The following NAV2 variants were observed in gnomAD, a reference collection of about 807,000 sequenced individuals.
The protein encoded by NAV2 is helicase, APC down-regulated 1.
NAV2 carries 54 observed loss-of-function variants against 223.2 expected under a neutral mutation model. The observed-to-expected ratio is 0.24, with a 90% confidence interval of 0.19 to 0.30. NAV2 has a LOEUF of 0.30. Among genes scored for constraint, NAV2 ranks in the 10% least tolerant of loss-of-function variants. The probability of loss-of-function intolerance (pLI) is 1.00; values close to 1 mark genes in which losing one functional copy is unlikely to be tolerated. For synonymous variants in NAV2, 1,279 were observed against 1,239.3 expected, an observed-to-expected ratio of 1.03 and a Z score of -0.67; for missense variants, 2,806 against 3,147.5, an observed-to-expected ratio of 0.89 and a Z score of 2.60.
At chr11:19,939,951 C>T (rs761772118) in intron 8 of NAV2, among the ~76,000 whole-genome samples, 178 bp downstream of exon 8, 12 of 151,064 alleles carry the variant, frequency 7.9e-5, no homozygotes, top group South Asian at 2.1e-4. Flanking sequence ...GTTTTTCTTC[C>T]CTTTTCTCTC....
At chr11:19,456,488 G>C (rs1366157145) in intron 1 of NAV2, among the ~76,000 whole-genome samples, 3 of 152,206 alleles carry the variant, frequency 2.0e-5, no homozygotes, top group Admixed American at 6.5e-5. Flanking sequence ...CCACAGAGAG[G>C]CTGTGTTCTC....
intron 1 of NAV2, among the ~76,000 whole-genome samples, chr11:19,687,947 C>G (rs1261958433): frequency 6.6e-6 from 1 of 152,092 alleles, no homozygotes; most frequent in Non-Finnish European, 1.5e-5. Flanking sequence ...TCTAGAGAGC[C>G]CCTGTGCCCT....
chr11:19,379,644 G>A (rs1027951409), intron 1 of NAV2, among the ~76,000 whole-genome samples: 6 of 152,266 alleles, frequency 3.9e-5, no homozygotes, highest in African/African-American at 9.6e-5. Flanking sequence ...TCCCTCCTCC[G>A]GCATCTTCCC....
intron 1 of NAV2, among the ~76,000 whole-genome samples, chr11:19,541,632 C>A (rs1012953950): frequency 2.6e-5 from 4 of 152,172 alleles, no homozygotes; most frequent in Non-Finnish European, 4.4e-5. Context: ...ATCTTTTTGA[C>A]CCACTTGAGA....
At chr11:19,524,142 G>A (rs969839051) in intron 1 of NAV2, among the ~76,000 whole-genome samples, 1 of 152,206 alleles carries the variant, frequency 6.6e-6, no homozygotes, top group Admixed American at 6.5e-5. Flanking sequence ...TAGGGACCCT[G>A]TTGTTGTCAT....
intron 1 of NAV2, among the ~76,000 whole-genome samples, chr11:19,445,288 C>A (rs1254985814): frequency 6.6e-6 from 1 of 151,880 alleles, no homozygotes; most frequent in Admixed American, 6.6e-5. Flanking sequence ...TTTTTTTAGT[C>A]CTACTGGCCA....
chr11:19,627,063 G>T (rs1279155985), intron 1 of NAV2, among the ~76,000 whole-genome samples: 1 of 152,184 alleles, frequency 6.6e-6, no homozygotes, highest in Non-Finnish European at 1.5e-5. Flanking sequence ...GGTGAGGCAA[G>T]CTGAGGTGTG....
intron 1 of NAV2, among the ~76,000 whole-genome samples, chr11:19,391,957 T>C (rs1204935763): frequency 6.6e-6 from 1 of 152,172 alleles, no homozygotes; most frequent in Admixed American, 6.5e-5. Context: ...GAGAAAATTA[T>C]ACTTAAATGA....
chr11:19,549,503 T>C (rs142092036), intron 1 of NAV2, among the ~76,000 whole-genome samples: 329 of 152,232 alleles, frequency 2.2e-3, no homozygotes, highest in Non-Finnish European at 4.0e-3. Flanking sequence ...CGGAAGGAGA[T>C]AGTAGATGCC....
chr11:19,701,021 C>T lies in NAV2; in HGVS notation c.76-131463C>T, dbSNP rs369466655. Among the ~76,000 whole-genome samples the T allele has an allele frequency of 1.6e-4, 25 of 152,296 alleles. No individual in the cohort carries two copies. In the South Asian group the frequency reaches 5.2e-3, roughly 32 times the overall value. The stretch of plus-strand genomic sequence containing the variant: ...CCTCACAAGAACTTTGTGAAATAGT[C>T]GTCATCATTCCTATTTTACTGTTGA... On this transcript the variant is annotated intron_variant, in intron 1 of 37. Coordinates refer to the NAV2 transcript ENST00000360655.
intron 6 of NAV2, among the ~76,000 whole-genome samples, chr11:19,904,175 T>C (rs778123746): frequency 6.6e-6 from 1 of 152,220 alleles, no homozygotes; most frequent in African/African-American, 2.4e-5. Context: ...GTGGAATAAA[T>C]GATTCTCTCC....
At chr11:19,397,419 G>GTGTGTGTGTGTGTGTGTGTGCA (rs1554919831) in intron 1 of NAV2, among the ~76,000 whole-genome samples, 1 of 70,514 alleles carries the variant, frequency 1.4e-5, no homozygotes, top group Non-Finnish European at 2.9e-5. Context: ...GTGTGTGTGT[G>GTGTGTGTGTGTGTGTGTGTGCA]CGCGCATGTG....
At chr11:20,082,099 C>T (rs184205356) in intron 25 of NAV2, among the ~76,000 whole-genome samples, 1 of 152,240 alleles carries the variant, frequency 6.6e-6, no homozygotes, top group African/African-American at 2.4e-5. Context: ...AGTGACATGG[C>T]TAATTTGCTG....
intron 1 of NAV2, among the ~76,000 whole-genome samples, chr11:19,417,321 G>A (rs1167570034): frequency 6.6e-6 from 1 of 152,178 alleles, no homozygotes; most frequent in Non-Finnish European, 1.5e-5. Context: ...AGACATTTAT[G>A]TGGCCAAAAA....
rs118077977 is a variant in NAV2, at chr11:19,868,200, C to T, written c.439-725C>T. On this transcript the variant is annotated intron_variant, in intron 3 of 37. Transcript: ENST00000349880. ...AGCAATTTCTTTTACTTATGGTACCCGTTGACATTAATCAAGCCAGAACAT... is the reference window on the plus strand; with the variant it reads ...AGCAATTTCTTTTACTTATGGTACCTGTTGACATTAATCAAGCCAGAACAT... Among the ~76,000 whole-genome samples, 61 of 152,244 alleles carry T rather than the reference C, an allele frequency of 4.0e-4. No individual in the cohort carries two copies. The East Asian group carries it at 9.6e-3, about 24-fold the overall frequency.
At chr11:19,702,893 G>A (rs1359035208) in intron 1 of NAV2, among the ~76,000 whole-genome samples, 1 of 149,924 alleles carries the variant, frequency 6.7e-6, no homozygotes, top group Non-Finnish European at 1.5e-5. Context: ...GAAATCCCAT[G>A]GAAAAGTAAG....
intron 4 of NAV2, 152 bp from the exon 5 acceptor site, chr11:19,879,717 A>C: frequency 5.8e-6 from 5 of 867,558 alleles, no homozygotes; most frequent in Admixed American, 2.1e-5. Flanking sequence ...TCTTTGTGGT[A>C]TAGGCCTGAT....
chr11:19,831,445 C>G (rs938570475), intron 1 of NAV2, among the ~76,000 whole-genome samples: 2 of 151,984 alleles, frequency 1.3e-5, no homozygotes, highest in African/African-American at 4.8e-5. Flanking sequence ...CCTGTTGTCA[C>G]TAACCAGTTG....
chr11:19,908,577 T>C (rs1251631558), intron 6 of NAV2, among the ~76,000 whole-genome samples: 1 of 152,270 alleles, frequency 6.6e-6, no homozygotes, highest in Non-Finnish European at 1.5e-5. Flanking sequence ...TACATGTGAC[T>C]ATTAAGCAAT....
Sources: gnomAD v4.1 joint callset for allele counts (sites outside exome capture counted in the v4.1 genomes callset) on GRCh38, gnomAD v4.1.1 for gene constraint, MANE v1.5 for transcripts, NCBI Gene and HGNC (gene_info 2026-07-23, HGNC 2026-07-21) for gene names.